NSRP1: variants seen among roughly 807,000 people sequenced by gnomAD.
NSRP1 encodes coiled-coil domain containing 55.
NSRP1 carries 24 observed loss-of-function variants against 54.7 expected under a neutral mutation model. The ratio of observed to expected loss-of-function variants is 0.44; its 90% CI spans 0.32 to 0.62. The LOEUF (loss-of-function observed/expected upper bound fraction) is 0.62, where lower values mean the gene tolerates loss of function less well. NSRP1 is among the 20% of genes least tolerant of loss of function. The pLI is 0.06. For synonymous variants in NSRP1, 210 were observed against 213.8 expected (o/e 0.98, Z 0.15); for missense variants, 596 against 651.2 (o/e 0.92, Z 0.92).
intron 2 of NSRP1, among the ~76,000 whole-genome samples, chr17:30,147,573 C>G (rs925016746): frequency 6.6e-6 from 1 of 151,170 alleles, no homozygotes; most frequent in South Asian, 2.1e-4. Context: ...ACGCCATTCT[C>G]CTGCCTCAGC....
intron 2 of NSRP1, among the ~76,000 whole-genome samples, chr17:30,135,431 A>G (rs1327703115): frequency 6.8e-6 from 1 of 148,144 alleles, no homozygotes; most frequent in Non-Finnish European, 1.5e-5. Flanking sequence ...GGCGCTTATC[A>G]GAGTTAACTT....
At chr17:30,126,338 GTCT>G (rs1380685533) in intron 2 of NSRP1, among the ~76,000 whole-genome samples, 1 of 152,106 alleles carries the variant, frequency 6.6e-6, no homozygotes, top group Admixed American at 6.5e-5. Context: ...TACACTGGAA[GTCT>G]TCTCCCCATT....
chr17:30,142,708 T>C (rs533395027), intron 2 of NSRP1, among the ~76,000 whole-genome samples: 1 of 152,298 alleles, frequency 6.6e-6, no homozygotes, highest in South Asian at 2.1e-4. Flanking sequence ...ATAATAATTA[T>C]ATCTGTGCAG....
intron 2 of NSRP1, among the ~76,000 whole-genome samples, chr17:30,131,584 A>G (rs1020538725): frequency 1.3e-5 from 2 of 152,194 alleles, no homozygotes; most frequent in Non-Finnish European, 2.9e-5. Flanking sequence ...AAAATACTTT[A>G]TGCTAAAAAA....
chr17:30,178,710 T>C (rs1029025159), intron 4 of NSRP1, among the ~76,000 whole-genome samples: 3 of 152,192 alleles, frequency 2.0e-5, no homozygotes, highest in Non-Finnish European at 4.4e-5. Context: ...CTGACAGTTA[T>C]CTACTAGTAG....
chr17:30,164,937 C>A (rs1447695564), intron 2 of NSRP1, among the ~76,000 whole-genome samples: 1 of 152,148 alleles, frequency 6.6e-6, no homozygotes, highest in Non-Finnish European at 1.5e-5. Flanking sequence ...GTGGTTTGGT[C>A]ACATTCAGCC....
At chr17:30,156,724 G>C (rs918458282) in intron 2 of NSRP1, 1 of 152,142 alleles carries the variant, frequency 6.6e-6, no homozygotes, top group Non-Finnish European at 1.5e-5. Context: ...TCTCCATGTT[G>C]ATCAGGCTGG....
At chr17:30,171,984 T>A (rs1258609636) in intron 2 of NSRP1, among the ~76,000 whole-genome samples, 13 of 107,732 alleles carry the variant, frequency 1.2e-4, no homozygotes, top group African/African-American at 3.6e-4. Context: ...TCCCTCTCTC[T>A]CTCTCTCTCT....
intron 3 of NSRP1, among the ~76,000 whole-genome samples, chr17:30,177,583 T>C (rs946609445): frequency 2.6e-5 from 4 of 152,116 alleles, no homozygotes; most frequent in African/African-American, 9.7e-5. Context: ...GCAGAGACTT[T>C]ATGTTTAACA....
chr17:30,124,488 C>T (rs889894001), intron 2 of NSRP1, among the ~76,000 whole-genome samples: 2 of 152,246 alleles, frequency 1.3e-5, no homozygotes, highest in Non-Finnish European at 1.5e-5. Context: ...TCCTCTTTTC[C>T]TCCTTCCTGT....
rs75582398 is a variant in NSRP1 at position 30,137,988 on chromosome 17, A to G, written c.114+19815A>G. Among the ~76,000 whole-genome samples, 1,347 of 152,302 alleles carry G rather than the reference A, an allele frequency of 8.8e-3. 22 individuals are homozygous for G. The highest frequency in any genetic ancestry group is 0.031 in the African/African-American group (1,289 of 41,566). ...TTTTATCTTCCCAAACTGAAAGTGT[A>G]TACTCATTATATAATAACTCCCCTT... On this transcript the variant is annotated intron_variant, in intron 2 of 6. Coordinates refer to ENST00000247026, the MANE Select transcript of NSRP1 (RefSeq NM_032141.4).
intron 2 of NSRP1, among the ~76,000 whole-genome samples, chr17:30,131,556 T>A (rs1018261058): frequency 7.0e-6 from 1 of 142,878 alleles, no homozygotes; most frequent in South Asian, 2.3e-4. Context: ...GCTAAAAAAA[T>A]GCCTATACCA....
At chr17:30,163,680 T>C (rs1351737163) in intron 2 of NSRP1, among the ~76,000 whole-genome samples, 4 of 31,846 alleles carry the variant, frequency 1.3e-4, no homozygotes, top group East Asian at 2.0e-3. Flanking sequence ...CTTTGACCAC[T>C]TTTTTTTTTT....
chr17:30,125,982 A>G (rs367582885), intron 2 of NSRP1: 2 of 152,192 alleles, frequency 1.3e-5, no homozygotes, highest in African/African-American at 2.4e-5. Context: ...TGATGCTGCT[A>G]TCAATTCATA....
chr17:30,118,247 T>A, intron 2 of NSRP1, 74 bp downstream of exon 2: 1 of 1,126,050 alleles, frequency 8.9e-7, no homozygotes, highest in Non-Finnish European at 1.3e-6. Flanking sequence ...GTGACTCTGA[T>A]ACCTTTGCCT....
intron 2 of NSRP1, among the ~76,000 whole-genome samples, chr17:30,166,016 T>G (rs1381878809): frequency 6.6e-6 from 1 of 152,212 alleles, no homozygotes; most frequent in East Asian, 1.9e-4. Flanking sequence ...ACAGCTACTG[T>G]GTTCTCATAA....
intron 2 of NSRP1, among the ~76,000 whole-genome samples, chr17:30,171,807 C>A (rs117115134): frequency 0.013 from 2,046 of 151,852 alleles, 26 homozygotes; most frequent in Admixed American, 0.021. Flanking sequence ...AAACATAAAC[C>A]GAGAGCTTGA....
intron 3 of NSRP1, among the ~76,000 whole-genome samples, chr17:30,175,504 G>A (rs1012601134): frequency 6.6e-6 from 1 of 152,074 alleles, no homozygotes; most frequent in African/African-American, 2.4e-5. Flanking sequence ...CACGATCTCA[G>A]CTCACTGCAA....
intron 6 of NSRP1, among the ~76,000 whole-genome samples, chr17:30,183,803 A>G (rs1905402839): frequency 6.6e-6 from 1 of 152,250 alleles, no homozygotes; most frequent in Admixed American, 6.5e-5. Context: ...GGAGTGAATC[A>G]GGATACACTC....
Sources: allele counts gnomAD v4.1 joint callset (sites outside exome capture counted in the v4.1 genomes callset), GRCh38; gene constraint gnomAD v4.1.1; transcripts MANE v1.5; gene names NCBI Gene and HGNC (gene_info 2026-07-23, HGNC 2026-07-21).